The following GFRA2 variants were observed in gnomAD, a reference collection of about 807,000 sequenced individuals.
GFRA2 encodes the protein GDNF family receptor alpha-2.
Under a neutral mutation model 48.3 loss-of-function variants are expected in GFRA2, and 17 were observed. The ratio of observed to expected loss-of-function variants is 0.35; its 90% confidence interval spans 0.24 to 0.53. GFRA2 has a LOEUF of 0.53. Ranked by LOEUF, GFRA2 falls within the 20% of genes least tolerant of loss-of-function variation. The pLI is 0.93. For missense variants in GFRA2, 660 were observed against 637.3 expected, an observed-to-expected ratio of 1.04 and a Z score of -0.38; for synonymous variants, 305 against 257.2, an observed-to-expected ratio of 1.19 and a Z score of -1.78.
Position 21,754,511 on chromosome 8 carries a change from T to C in GFRA2, c.440-3569A>G, listed in dbSNP as rs537256650. Among the ~76,000 whole-genome samples the C allele has an allele frequency of 2.3e-4, 34 of 144,968 alleles. No individual in the cohort carries two copies. In the South Asian group the frequency reaches 6.2e-3, roughly 26 times the overall value. ...AACAATGGTCTTTTTTTTTCTTTTT[T>C]TTTTTTTTTTTTTTGAGTCAGAGTT... On this transcript the variant is annotated intron_variant, in intron 3 of 8. Transcript: ENST00000524240.
intron 4 of GFRA2, among the ~76,000 whole-genome samples, chr8:21,712,068 C>T (rs1385348362): frequency 6.6e-6 from 1 of 152,362 alleles, no homozygotes; most frequent in South Asian, 2.1e-4. Context: ...TGAAAAGTCT[C>T]CCATGTCTAC....
At chr8:21,801,657 G>A (rs1223331001) in intron 2 of GFRA2, among the ~76,000 whole-genome samples, 6 of 151,762 alleles carry the variant, frequency 4.0e-5, no homozygotes, top group African/African-American at 1.5e-4. Flanking sequence ...GCTCCAGGCA[G>A]AGTGGGTAAA....
chr8:21,695,348 CT>C (rs1388182751), intron 7 of GFRA2, among the ~76,000 whole-genome samples: 1 of 152,184 alleles, frequency 6.6e-6, no homozygotes, highest in African/African-American at 2.4e-5. Context: ...TCCCAGGGCA[CT>C]TCCAGGGAAG....
intron 3 of GFRA2, among the ~76,000 whole-genome samples, chr8:21,768,435 C>A (rs1050930113): frequency 2.6e-4 from 39 of 152,188 alleles, no homozygotes; most frequent in Non-Finnish European, 5.3e-4. Flanking sequence ...CCCGCCTCAT[C>A]ACAGGGCGGC....
At chr8:21,772,214 G>C (rs1806470144) in intron 3 of GFRA2, among the ~76,000 whole-genome samples, 1 of 152,144 alleles carries the variant, frequency 6.6e-6, no homozygotes, top group Admixed American at 6.5e-5. Context: ...GATCTGTGGT[G>C]GGGACTGCAT....
chr8:21,693,292 T>G lies in GFRA2; in HGVS notation c.1381A>C (p.Lys461Gln). 1 of 1,612,456 alleles carries G rather than the reference T, an allele frequency of 6.2e-7. No homozygotes were observed. Among genetic ancestry groups the G allele is most frequent in the African/African-American group, 1.3e-5 (1 of 74,976 alleles). The stretch of plus-strand genomic sequence containing the variant: ...GTTCCCACAGCCTACAAGGCCAGTT[T>G]CAGCATCAGGACAGACAGCACGGTC... ...ALTVLSVLMLKLAL is the reference protein window; with the variant it reads ...ALTVLSVLMLQLAL Residue 461 changes from lysine (K) to glutamine (Q), a missense_variant, in exon 9 of 9, where the codon AAA becomes CAA. Lys to Gln is a moderately conservative substitution (Grantham distance 53). Coordinates refer to ENST00000524240, the MANE Select transcript of GFRA2 (RefSeq NM_001495.5).
intron 1 of GFRA2, among the ~76,000 whole-genome samples, chr8:21,787,653 C>T (rs933911456): frequency 7.9e-5 from 12 of 152,196 alleles, no homozygotes; most frequent in African/African-American, 2.9e-4. Flanking sequence ...GAAACCCGCG[C>T]CCTCCACCAC....
chr8:21,788,145 G>T lies in GFRA2; in HGVS notation c.15C>A (p.Asn5Lys). The change falls in exon 1 of 9, where the codon AAC becomes AAA. Residue 5 changes from asparagine to lysine, a missense_variant. Transcript: ENST00000524240. MILA[N>K]VFCLFFFLDE... ...CTAGAAAGAAGAAGAGGCAGAAGAC[G>T]TTTGCCAAGATCATGTTAAATAAAT... is the stretch of plus-strand genomic sequence containing the variant. 6.3e-7 allele frequency: 1 copy of T among 1,587,166 alleles called. No homozygotes were observed. Among genetic ancestry groups the T allele is most frequent in the Non-Finnish European group, 8.6e-7 (1 of 1,164,646 alleles).
intron 2 of GFRA2, among the ~76,000 whole-genome samples, chr8:21,775,989 CTGTGTG>C (rs200687629): frequency 0.13 from 16,869 of 126,252 alleles, 1,192 homozygotes; most frequent in South Asian, 0.18. Context: ...CACTCATCCT[CTGTGTG>C]TGTGTGTGTG....
chr8:21,707,521 G>T (rs577675256), intron 4 of GFRA2, among the ~76,000 whole-genome samples: 1 of 152,106 alleles, frequency 6.6e-6, no homozygotes, highest in Non-Finnish European at 1.5e-5. Context: ...GGAGGCCCCC[G>T]CGATCCTGAG....
chr8:21,731,133 G>C (rs1383577130), intron 4 of GFRA2, among the ~76,000 whole-genome samples: 1 of 152,054 alleles, frequency 6.6e-6, no homozygotes, highest in African/African-American at 2.4e-5. Flanking sequence ...AAGTGTTACT[G>C]TCACCACCAC....
chr8:21,759,469 G>GTAAA (rs1563252072), intron 3 of GFRA2, among the ~76,000 whole-genome samples: 47 of 108,936 alleles, frequency 4.3e-4, no homozygotes, highest in Non-Finnish European at 1.8e-4. Flanking sequence ...AGGGAGGGAG[G>GTAAA]GAGGGAAAGA....
At chr8:21,748,727 A>C (rs1805128535) in intron 4 of GFRA2, among the ~76,000 whole-genome samples, 1 of 152,220 alleles carries the variant, frequency 6.6e-6, no homozygotes, top group South Asian at 2.1e-4. Flanking sequence ...GGATTAAATG[A>C]GACAGAAAGC....
At chr8:21,756,196 A>C (rs1317767611) in intron 3 of GFRA2, among the ~76,000 whole-genome samples, 1 of 152,204 alleles carries the variant, frequency 6.6e-6, no homozygotes, top group Admixed American at 6.5e-5. Context: ...GTGCTGGTGT[A>C]ATTATAGCCT....
At chr8:21,795,786 G>C (rs1807663460) in intron 2 of GFRA2, among the ~76,000 whole-genome samples, 2 of 152,320 alleles carry the variant, frequency 1.3e-5, no homozygotes, top group South Asian at 4.1e-4. Flanking sequence ...CATCCAGTGG[G>C]CTTTCCAATT....
intron 2 of GFRA2, among the ~76,000 whole-genome samples, chr8:21,777,023 T>C (rs1806740337): frequency 6.6e-6 from 1 of 152,200 alleles, no homozygotes; most frequent in Non-Finnish European, 1.5e-5. Flanking sequence ...CTGAAAGTGC[T>C]TTAGATATAG....
At chr8:21,726,456 C>T (rs1346828487) in intron 4 of GFRA2, among the ~76,000 whole-genome samples, 1 of 152,172 alleles carries the variant, frequency 6.6e-6, no homozygotes, top group Non-Finnish European at 1.5e-5. Flanking sequence ...TAAAATAACA[C>T]AAGTTTGTTC....
rs937978979 is a variant in GFRA2, at chr8:21,795,212, A to G, written c.-35-7018T>C. 1.2e-3 allele frequency among the ~76,000 whole-genome samples: 185 copies of G among 152,266 alleles called. 1 individual carries two copies. Among genetic ancestry groups the G allele is most frequent in the African/African-American group, 4.1e-3 (172 of 41,542 alleles). ...GTTGCTCTGACAGGAAGCCATCAAG[A>G]CCACCTTATGTGACTATTGTACTTC... On this transcript the variant is annotated intron_variant, in intron 2 of 10. Coordinates refer to the GFRA2 transcript ENST00000517328.
At chr8:21,733,898 G>C (rs983522387) in intron 4 of GFRA2, among the ~76,000 whole-genome samples, 3 of 151,926 alleles carry the variant, frequency 2.0e-5, no homozygotes, top group African/African-American at 7.3e-5. Context: ...CCCAGGCTCC[G>C]ACAAAAGAAA....
Sources: gnomAD v4.1 joint callset for allele counts (sites outside exome capture counted in the v4.1 genomes callset) on GRCh38, gnomAD v4.1.1 for gene constraint, MANE v1.5 for transcripts, NCBI Gene and HGNC (gene_info 2026-07-23, HGNC 2026-07-21) for gene names.